TMEM245: variants seen among roughly 807,000 people sequenced by gnomAD.
TMEM245 encodes transmembrane protein 245.
In TMEM245, 69 loss-of-function variants were observed where a neutral mutation model predicts 101.2. The observed-to-expected ratio is 0.68, with a 90% CI of 0.56 to 0.83. The LOEUF is 0.83. Among genes scored for constraint, TMEM245 ranks in the 40% least tolerant of loss-of-function variants. The pLI, the probability that TMEM245 is intolerant of heterozygous loss-of-function variation, is 0.00. For missense variants in TMEM245, 1,075 were observed against 1,092.8 expected (o/e 0.98, Z 0.23); for synonymous variants, 537 against 449.8 (o/e 1.19, Z -2.45).
intron 15 of TMEM245, 68 bp from the exon 16 acceptor site, chr9:109,036,448 A>C: frequency 2.9e-6 from 4 of 1,399,182 alleles, no homozygotes; most frequent in Non-Finnish European, 3.8e-6. Flanking sequence ...AAAAGAATCT[A>C]AGCAGTAGCT....
At chr9:109,115,624 G>A (rs182301353) in intron 1 of TMEM245, among the ~76,000 whole-genome samples, 41 of 145,700 alleles carry the variant, frequency 2.8e-4, no homozygotes, top group South Asian at 1.6e-3. Flanking sequence ...TCTGCCTCCC[G>A]GTTTCAAGCA....
chr9:109,050,245 T>C, intron 14 of TMEM245, 38 bp downstream of exon 14: 1 of 1,607,358 alleles, frequency 6.2e-7, no homozygotes, highest in Non-Finnish European at 8.5e-7. Context: ...GAAAAAAAGT[T>C]CTGGGAGAAA....
intron 3 of TMEM245, 45 bp downstream of exon 3, chr9:109,106,463 A>G: frequency 7.7e-7 from 1 of 1,302,524 alleles, no homozygotes; most frequent in South Asian, 1.6e-5. Context: ...GCTACTCTCC[A>G]AAATACTTCA....
intron 17 of TMEM245, 37 bp downstream of exon 17, chr9:109,033,270 T>C: frequency 6.4e-7 from 1 of 1,553,690 alleles, no homozygotes; most frequent in African/African-American, 1.4e-5. Context: ...CAGTTCAATG[T>C]ATAAATACAG....
intron 12 of TMEM245, among the ~76,000 whole-genome samples, chr9:109,054,944 A>C (rs1828788193): frequency 6.6e-6 from 1 of 152,236 alleles, no homozygotes; most frequent in Admixed American, 6.5e-5. Context: ...AAAAACTACT[A>C]ATCATCTGTT....
chr9:109,066,042 A>G (rs2132457654), intron 9 of TMEM245, among the ~76,000 whole-genome samples: 1 of 152,366 alleles, frequency 6.6e-6, no homozygotes, highest in Middle Eastern at 3.4e-3. Context: ...TTTTGAATAA[A>G]TTAAAAAGTA....
At chr9:109,077,979 T>C (rs774240164) in intron 8 of TMEM245, among the ~76,000 whole-genome samples, 13 of 152,322 alleles carry the variant, frequency 8.5e-5, no homozygotes, top group Non-Finnish European at 1.3e-4. Context: ...CCCATCTCTA[T>C]TGGTCCTCTG....
chr9:109,023,801 A>C (rs1229614924), intron 17 of TMEM245, among the ~76,000 whole-genome samples: 1 of 149,668 alleles, frequency 6.7e-6, no homozygotes. Flanking sequence ...GCGCCACTGC[A>C]CTCCAGCCTA....
chr9:109,027,972 G>A (rs1039589151), intron 17 of TMEM245, among the ~76,000 whole-genome samples: 9 of 151,372 alleles, frequency 5.9e-5, no homozygotes, highest in African/African-American at 2.2e-4. Flanking sequence ...GTGACCCACC[G>A]CACCCGGCCA....
intron 8 of TMEM245, among the ~76,000 whole-genome samples, chr9:109,075,199 C>T (rs1564193205): frequency 6.6e-6 from 1 of 152,268 alleles, no homozygotes; most frequent in South Asian, 2.1e-4. Flanking sequence ...GGATGTTAAA[C>T]GGGTTTTACA....
At chr9:109,041,385 T>C (rs1032753167) in intron 14 of TMEM245, among the ~76,000 whole-genome samples, 1 of 150,334 alleles carries the variant, frequency 6.7e-6, no homozygotes, top group African/African-American at 2.5e-5. Context: ...GATAGACAAA[T>C]ACTGCATGTG....
intron 16 of TMEM245, among the ~76,000 whole-genome samples, chr9:109,035,002 C>T (rs1828075893): frequency 6.6e-6 from 1 of 151,234 alleles, no homozygotes; most frequent in Non-Finnish European, 1.5e-5. Context: ...AGTAAAAATA[C>T]AAAAATTAGC....
At chr9:109,039,616 C>T (rs1423514021) in intron 14 of TMEM245, among the ~76,000 whole-genome samples, 2 of 151,622 alleles carry the variant, frequency 1.3e-5, no homozygotes, top group Non-Finnish European at 1.5e-5. Context: ...CTGAGACGCA[C>T]CAGAATAATT....
At chr9:109,043,243 T>C (rs1343939656) in intron 14 of TMEM245, among the ~76,000 whole-genome samples, 1 of 152,236 alleles carries the variant, frequency 6.6e-6, no homozygotes, top group African/African-American at 2.4e-5. Flanking sequence ...AAAGACATTA[T>C]GATACAGTTC....
chr9:109,079,149 T>G (rs775370550), intron 8 of TMEM245, among the ~76,000 whole-genome samples: 1 of 152,148 alleles, frequency 6.6e-6, no homozygotes, highest in Non-Finnish European at 1.5e-5. Context: ...CAACGAAAGA[T>G]CTCCTAGTTG....
At chr9:109,073,025 G>T (rs972515159) in intron 9 of TMEM245, among the ~76,000 whole-genome samples, 1 of 151,974 alleles carries the variant, frequency 6.6e-6, no homozygotes, top group South Asian at 2.1e-4. Flanking sequence ...TGTAAAATGG[G>T]GATAATTTCT....
rs1588065680 is a variant in TMEM245 at position 109,088,813 on chromosome 9, C to T, written c.1151-1471G>A. Among the ~76,000 whole-genome samples the T allele has an allele frequency of 1.4e-4, 12 of 88,500 alleles. No homozygotes were observed. The South Asian group carries it at 4.7e-3, about 34-fold the overall frequency. The allele number at this position is 88,500 out of a possible 152,430, so 58.1% of individuals were successfully genotyped here. ...CCTGGGCAACAGAGCGAGACTACAT[C>T]TCAAAAAAAAAAAAAAAAAAAAAAG... On this transcript the variant is annotated intron_variant, in intron 5 of 17. Transcript: ENST00000374586.
chr9:109,116,670 G>C (rs965597437), intron 1 of TMEM245, among the ~76,000 whole-genome samples: 4 of 152,064 alleles, frequency 2.6e-5, no homozygotes, highest in African/African-American at 7.2e-5. Context: ...GGGACCACAG[G>C]TGTGCGCCAC....
Position 109,091,134 on chromosome 9 carries a change from G to C in TMEM245, c.938C>G (p.Ser313Cys). The C allele has an allele frequency of 3.1e-6, 5 of 1,613,976 alleles. No homozygotes were observed. Among genetic ancestry groups the C allele is most frequent in the Non-Finnish European group, 4.2e-6 (5 of 1,179,970 alleles). The change falls in exon 5 of 18, where the codon TCC (serine) becomes TGC (cysteine). Residue 313 changes from serine (S) to cysteine (C), a missense_variant. Around this residue, in one of 2 missense-constraint regions of TMEM245, gnomAD observed 808 missense variants for 741.5 expected, o/e 1.09. Transcript: ENST00000374586. ...AGGGGAGGTGGACAACGTTGGAGCGGATTCTCCCCTGTCCACTGCTTCTGA... is the reference window on the plus strand; with the variant it reads ...AGGGGAGGTGGACAACGTTGGAGCGCATTCTCCCCTGTCCACTGCTTCTGA... ...QPAEAVDRGE[S>C]APTLSTSPSP...
Sources: allele counts gnomAD v4.1 joint callset (sites outside exome capture counted in the v4.1 genomes callset), GRCh38; gene constraint gnomAD v4.1.1; regional missense constraint gnomAD v4.1.1; transcripts MANE v1.5; gene names NCBI Gene and HGNC (gene_info 2026-07-23, HGNC 2026-07-21).